Variants in PKIA observed in about 807,000 individuals in gnomAD.
The protein encoded by PKIA is PKI-alpha.
In PKIA, 4 loss-of-function variants were observed where a neutral mutation model predicts 7.6. The observed-to-expected ratio is 0.52, with a 90% CI of 0.26 to 1.20. PKIA has a LOEUF of 1.20. Among genes scored for constraint, PKIA ranks in the 50% most tolerant of loss-of-function variants. The probability of loss-of-function intolerance (pLI) is 0.13; values close to 1 mark genes in which losing one functional copy is unlikely to be tolerated. For missense variants in PKIA, 73 were observed against 86.2 expected (o/e 0.85, Z 0.61); for synonymous variants, 21 against 30.7 (o/e 0.68, Z 1.04).
intron 1 of PKIA, among the ~76,000 whole-genome samples, chr8:78,524,182 TTATATATAAACATTTATATTTATA>T (rs1180548541): frequency 0.026 from 3,496 of 135,138 alleles, 268 homozygotes; most frequent in African/African-American, 0.087. Context: ...ACATTTATAT[TTATATATAAACATTTATATTTATA>T]TATATATAAA....
chr8:78,565,795 C>G (rs1352423380), intron 1 of PKIA, among the ~76,000 whole-genome samples: 1 of 151,768 alleles, frequency 6.6e-6, no homozygotes, highest in Non-Finnish European at 1.5e-5. Context: ...TATCACTTTT[C>G]TGTTATTATT....
rs549544895 is a variant in PKIA at position 78,604,878 on chromosome 8, C to A, written c.*3057C>A. 18 of 152,072 alleles carry A rather than the reference C, an allele frequency of 1.2e-4. No individual in the cohort carries two copies. Among genetic ancestry groups the A allele is most frequent in the African/African-American group, 4.3e-4 (18 of 41,510 alleles). The allele number at this position is 152,072 out of a possible 1,614,324, so 9.4% of individuals were successfully genotyped here. A position where few individuals can be genotyped will look rare whatever the true frequency, so the allele number is the denominator to read the frequency against. ...AAATAACAGACATTGAAATCCAATT[C>A]TTAGATAATACTCCCAGAACAGCCA... On this transcript the variant is annotated 3_prime_UTR_variant, in exon 4 of 4. Transcript: ENST00000396418.
At chr8:78,562,435 T>C (rs1807307774) in intron 1 of PKIA, among the ~76,000 whole-genome samples, 1 of 152,172 alleles carries the variant, frequency 6.6e-6, no homozygotes, top group South Asian at 2.1e-4. Flanking sequence ...TTCTAATGGT[T>C]ATCTAGTGCA....
chr8:78,598,602 T>A, intron 3 of PKIA, 67 bp downstream of exon 3: 1 of 1,289,228 alleles, frequency 7.8e-7, no homozygotes, highest in Non-Finnish European at 1.1e-6. Context: ...TAAGAGGGAT[T>A]AAGGCACGAA....
chr8:78,572,156 ATCCATCTTTCTAAATCTG>A (rs1205530992), intron 1 of PKIA, among the ~76,000 whole-genome samples: 2 of 152,030 alleles, frequency 1.3e-5, no homozygotes, highest in Admixed American at 1.3e-4. Context: ...TTAACCTAAT[ATCCATCTTTCTAAATCTG>A]TCCATCTTTC....
At chr8:78,569,015 A>T (rs556494863) in intron 1 of PKIA, among the ~76,000 whole-genome samples, 1 of 151,942 alleles carries the variant, frequency 6.6e-6, no homozygotes, top group East Asian at 1.9e-4. Flanking sequence ...ACTTAAGGAG[A>T]TCATGCCAGA....
At chr8:78,601,110 G>T (rs1808339852) in intron 3 of PKIA, among the ~76,000 whole-genome samples, 1 of 152,020 alleles carries the variant, frequency 6.6e-6, no homozygotes, top group Admixed American at 6.6e-5. Context: ...GATTGCTACT[G>T]AGGGTGCAGT....
intron 2 of PKIA, among the ~76,000 whole-genome samples, chr8:78,580,676 A>G (rs1423728973): frequency 1.3e-5 from 2 of 152,050 alleles, no homozygotes; most frequent in African/African-American, 4.8e-5. Flanking sequence ...AGAATGTTAT[A>G]ATGGGGTAGA....
intron 1 of PKIA, among the ~76,000 whole-genome samples, chr8:78,548,539 A>G (rs948344866): frequency 1.3e-5 from 2 of 152,142 alleles, no homozygotes; most frequent in Middle Eastern, 3.2e-3. Flanking sequence ...AAATTTTGAT[A>G]CATACATCCA....
At chr8:78,585,926 T>A (rs916867978) in intron 2 of PKIA, among the ~76,000 whole-genome samples, 1 of 152,212 alleles carries the variant, frequency 6.6e-6, no homozygotes, top group Admixed American at 6.6e-5. Flanking sequence ...GCTGTTCCTT[T>A]TGCCTTCACT....
At chr8:78,590,803 C>T (rs1009547408) in intron 2 of PKIA, among the ~76,000 whole-genome samples, 1 of 151,684 alleles carries the variant, frequency 6.6e-6, no homozygotes, top group African/African-American at 2.4e-5. Context: ...AGATTTATCC[C>T]TGGAGAATGA....
chr8:78,597,076 T>A (rs572513606), intron 2 of PKIA, among the ~76,000 whole-genome samples: 4 of 152,318 alleles, frequency 2.6e-5, no homozygotes, highest in African/African-American at 7.2e-5. Flanking sequence ...TGTTTTAGGT[T>A]CCCATAGCCT....
chr8:78,563,426 C>T (rs1047209018), intron 1 of PKIA, among the ~76,000 whole-genome samples: 8 of 151,898 alleles, frequency 5.3e-5, no homozygotes, highest in African/African-American at 1.9e-4. Context: ...GTATATTCCA[C>T]TGAATGTAAA....
rs375707119 is a variant in PKIA at position 78,529,336 on chromosome 8, A to G, written c.-157+12868A>G. ...ATTCTCTGTAATTCACATTTTACCAATTACTAACAAAATATGGAGTGGGCA... is the reference window on the plus strand; with the variant it reads ...ATTCTCTGTAATTCACATTTTACCAGTTACTAACAAAATATGGAGTGGGCA... On this transcript the variant is annotated intron_variant, in intron 1 of 3. Transcript: ENST00000396418. 1.4e-3 allele frequency among the ~76,000 whole-genome samples: 218 copies of G among 152,162 alleles called. 1 individual carries two copies. Among genetic ancestry groups the G allele is most frequent in the African/African-American group, 5.1e-3 (213 of 41,542 alleles).
chr8:78,542,061 G>A (rs551293114), intron 1 of PKIA, among the ~76,000 whole-genome samples: 46 of 152,006 alleles, frequency 3.0e-4, no homozygotes, highest in African/African-American at 8.4e-4. Flanking sequence ...CTGTAGTCCC[G>A]TCTACTCAAG....
intron 1 of PKIA, among the ~76,000 whole-genome samples, chr8:78,546,294 TAGTC>T (rs1275575842): frequency 2.0e-5 from 3 of 152,014 alleles, no homozygotes; most frequent in African/African-American, 7.3e-5. Flanking sequence ...CTTGCACAAT[TAGTC>T]AGCCTAGATA....
At chr8:78,547,710 C>G (rs1410214408) in intron 1 of PKIA, among the ~76,000 whole-genome samples, 1 of 152,096 alleles carries the variant, frequency 6.6e-6, no homozygotes, top group African/African-American at 2.4e-5. Context: ...GTTGTTTGCA[C>G]TAATTTGATT....
chr8:78,540,438 G>C (rs539313999), intron 1 of PKIA, among the ~76,000 whole-genome samples: 35 of 152,184 alleles, frequency 2.3e-4, no homozygotes, highest in Non-Finnish European at 5.0e-4. Context: ...GCTGCTCCTA[G>C]TCAAATCCCT....
At chr8:78,578,543 A>AC (rs1554582912) in intron 2 of PKIA, among the ~76,000 whole-genome samples, 21 of 4,442 alleles carry the variant, frequency 4.7e-3, no homozygotes, top group Admixed American at 0.012. Flanking sequence ...AAAAATCATT[A>AC]TTTTTTTGTT....
Sources: gnomAD v4.1 joint callset for allele counts (sites outside exome capture counted in the v4.1 genomes callset) on GRCh38, gnomAD v4.1.1 for gene constraint, MANE v1.5 for transcripts, NCBI Gene and HGNC (gene_info 2026-07-23, HGNC 2026-07-21) for gene names.